The following PTPRD variants were observed in gnomAD, a reference collection of about 807,000 sequenced individuals.
PTPRD encodes receptor-type tyrosine-protein phosphatase delta.
In PTPRD, 34 loss-of-function variants were observed where a neutral mutation model predicts 214.5. The observed-to-expected ratio is 0.16, with a 90% confidence interval of 0.12 to 0.21. The LOEUF (loss-of-function observed/expected upper bound fraction) is 0.21, where lower values mean the gene tolerates loss of function less well. Ranked by LOEUF, PTPRD falls within the 10% of genes least tolerant of loss-of-function variation. The pLI is 1.00. For synonymous variants in PTPRD, 1,128 were observed against 845.7 expected, an observed-to-expected ratio of 1.33 and a Z score of -5.79; for missense variants, 2,545 against 2,398.7, an observed-to-expected ratio of 1.06 and a Z score of -1.27.
At chr9:10,539,471 C>A (rs1289829457) in intron 2 of PTPRD, among the ~76,000 whole-genome samples, 1 of 152,224 alleles carries the variant, frequency 6.6e-6, no homozygotes, top group African/African-American at 2.4e-5. Context: ...AGGCGTGAGC[C>A]ACCACGCCTG....
At position 8,436,605 on chromosome 9, in the gene PTPRD, G is replaced by A. The variant is rs201031030; in HGVS notation, c.4073C>T (p.Ser1358Phe). ...RLKANDNLKF[S>F]QEYESIDPGQ... ...ACAGTGAATTACCTCATATTCCTGG[G>A]AAAACTTCAAGTTGTCATTTGCTTT... The change falls in exon 35 of 46, where the codon TCC becomes TTC. Residue 1358 changes from serine (S) to phenylalanine (F), a missense_variant. Ser to Phe is a radical substitution (Grantham distance 155). Coordinates refer to ENST00000381196, the MANE Select transcript of PTPRD (RefSeq NM_002839.4). 1 of 1,612,004 alleles carries A rather than the reference G, an allele frequency of 6.2e-7. No individual in the cohort carries two copies. The highest frequency in any genetic ancestry group is 8.5e-7 in the Non-Finnish European group (1 of 1,178,576).
chr9:8,728,548 C>A (rs932611235), intron 12 of PTPRD, among the ~76,000 whole-genome samples: 2 of 152,198 alleles, frequency 1.3e-5, no homozygotes, highest in Non-Finnish European at 2.9e-5. Flanking sequence ...ACTGACTCTG[C>A]CTACTGAAAT....
intron 2 of PTPRD, among the ~76,000 whole-genome samples, chr9:10,606,313 G>A (rs532746344): frequency 6.6e-6 from 1 of 151,858 alleles, no homozygotes; most frequent in African/African-American, 2.4e-5. Context: ...AGATTAATGA[G>A]TCACTCCTTC....
At chr9:9,377,774 G>C (rs1160833641) in intron 9 of PTPRD, among the ~76,000 whole-genome samples, 1 of 152,076 alleles carries the variant, frequency 6.6e-6, no homozygotes, top group Non-Finnish European at 1.5e-5. Flanking sequence ...GGTAAAAGTA[G>C]CTACAGGAAG....
intron 3 of PTPRD, among the ~76,000 whole-genome samples, chr9:10,274,722 A>G (rs2154385164): frequency 6.6e-6 from 1 of 152,252 alleles, no homozygotes; most frequent in East Asian, 1.9e-4. Flanking sequence ...TTTTGAAATA[A>G]AGAAAAGCTA....
At chr9:8,775,701 T>G (rs1012615466) in intron 11 of PTPRD, among the ~76,000 whole-genome samples, 1 of 152,186 alleles carries the variant, frequency 6.6e-6, no homozygotes, top group African/African-American at 2.4e-5. Context: ...TCCAATAACC[T>G]GGCTGGGCAT....
At chr9:9,761,976 C>A (rs1013843109) in intron 6 of PTPRD, among the ~76,000 whole-genome samples, 2 of 152,166 alleles carry the variant, frequency 1.3e-5, no homozygotes, top group Non-Finnish European at 2.9e-5. Context: ...GACTGAATGA[C>A]TTAAACATAA....
At chr9:9,708,145 C>T (rs941369853) in intron 7 of PTPRD, among the ~76,000 whole-genome samples, 5 of 152,028 alleles carry the variant, frequency 3.3e-5, no homozygotes, top group Non-Finnish European at 5.9e-5. Context: ...GTTCTGCCTA[C>T]GTTAGTCAAA....
At chr9:8,957,885 T>C (rs1273056846) in intron 11 of PTPRD, among the ~76,000 whole-genome samples, 1 of 151,388 alleles carries the variant, frequency 6.6e-6, no homozygotes, top group Non-Finnish European at 1.5e-5. Flanking sequence ...AAAAGAATGC[T>C]ATAGTCCCAA....
At chr9:9,617,795 C>G (rs1027550219) in intron 7 of PTPRD, among the ~76,000 whole-genome samples, 4 of 151,386 alleles carry the variant, frequency 2.6e-5, no homozygotes, top group Non-Finnish European at 4.4e-5. Context: ...ATTTTGGGCC[C>G]GGCGCGGTGG....
chr9:9,988,206 A>G (rs1305291044), intron 4 of PTPRD, among the ~76,000 whole-genome samples: 2 of 152,222 alleles, frequency 1.3e-5, no homozygotes, highest in Admixed American at 1.3e-4. Flanking sequence ...TTGAACATCA[A>G]TATGATAAAG....
chr9:8,643,260 G>A (rs566286564), intron 12 of PTPRD, among the ~76,000 whole-genome samples: 1 of 151,976 alleles, frequency 6.6e-6, no homozygotes, highest in East Asian at 1.9e-4. Flanking sequence ...TCTTATATAC[G>A]GTGTTTTCAA....
intron 11 of PTPRD, among the ~76,000 whole-genome samples, chr9:8,948,021 C>CT (rs34611971): frequency 2.0e-4 from 24 of 119,410 alleles, no homozygotes; most frequent in East Asian, 1.7e-3. Flanking sequence ...CTCTCTCTCT[C>CT]TTTTTTTTTT....
rs10958859 is a variant in PTPRD, at chr9:10,060,923, T to C, written c.-544-27133A>G. 7.8e-5 allele frequency among the ~76,000 whole-genome samples: 8 copies of C among 102,940 alleles called. No individual in the cohort carries two copies. In the African/African-American group the frequency reaches 1.1e-3, roughly 14 times the overall value. The allele number at this position is 102,940 out of a possible 152,430, so 67.5% of individuals were successfully genotyped here. The stretch of plus-strand genomic sequence containing the variant: ...TTCTTTCTTTCTTTCTTTCTTTCTT[T>C]CTTTCTTTCTTTCTTTCTTTCTTTC... On this transcript the variant is annotated intron_variant, in intron 3 of 45. Coordinates refer to ENST00000381196, the MANE Select transcript of PTPRD (RefSeq NM_002839.4).
intron 11 of PTPRD, among the ~76,000 whole-genome samples, chr9:8,905,418 G>A (rs151197095): frequency 2.6e-5 from 4 of 151,992 alleles, no homozygotes; most frequent in South Asian, 2.1e-4. Context: ...CAAAAAAGAT[G>A]AGGACTATAA....
At chr9:9,461,298 C>G (rs2093634618) in intron 8 of PTPRD, among the ~76,000 whole-genome samples, 2 of 151,944 alleles carry the variant, frequency 1.3e-5, no homozygotes, top group Non-Finnish European at 1.5e-5. Flanking sequence ...ATGTAACATA[C>G]CTGCACAGGT....
chr9:10,557,921 G>A (rs980255409), intron 2 of PTPRD, among the ~76,000 whole-genome samples: 19 of 152,082 alleles, frequency 1.2e-4, no homozygotes, highest in African/African-American at 2.7e-4. Flanking sequence ...ATGAGCCTGT[G>A]ACCTGTGCAA....
At position 9,916,774 on chromosome 9, in the gene PTPRD, A is replaced by G. The variant is rs544176391; in HGVS notation, c.-368+21733T>C. On this transcript the variant is annotated intron_variant, in intron 5 of 45. Transcript: ENST00000381196. Reference sequence around the variant, plus strand: ...ACATTTCATTCAACAGTTGGAGAATACACATTCTGCACATCAGCACATGGA... The same window carrying G: ...ACATTTCATTCAACAGTTGGAGAATGCACATTCTGCACATCAGCACATGGA... Among the ~76,000 whole-genome samples the G allele has an allele frequency of 2.6e-5, 4 of 152,160 alleles. No homozygotes were observed. The South Asian group carries it at 8.3e-4, about 31-fold the overall frequency.
At chr9:8,567,127 A>G (rs1397177752) in intron 14 of PTPRD, among the ~76,000 whole-genome samples, 1 of 152,186 alleles carries the variant, frequency 6.6e-6, no homozygotes, top group Non-Finnish European at 1.5e-5. Context: ...GTTATAAACA[A>G]TGTTTCACAT....
Sources: gnomAD v4.1 joint callset for allele counts (sites outside exome capture counted in the v4.1 genomes callset) on GRCh38, gnomAD v4.1.1 for gene constraint, MANE v1.5 for transcripts, NCBI Gene and HGNC (gene_info 2026-07-23, HGNC 2026-07-21) for gene names.